Variants in LONP2 observed in about 807,000 individuals in gnomAD.
LONP2 encodes lon peptidase 2, peroxisomal.
LONP2 carries 60 observed loss-of-function variants against 85.6 expected under a neutral mutation model. That is an observed-to-expected ratio of 0.70 (90% confidence interval 0.57 to 0.87). The LOEUF is 0.87. Ranked by LOEUF, LONP2 falls within the 40% of genes least tolerant of loss-of-function variation. LONP2 has a pLI of 0.00. For missense variants in LONP2, 860 were observed against 1,063.5 expected, an observed-to-expected ratio of 0.81 and a Z score of 2.66; for synonymous variants, 395 against 389.7, an observed-to-expected ratio of 1.01 and a Z score of -0.16.
chr16:48,356,512 T>TAAAAAAAAAA lies in LONP2; in HGVS notation c.*4722_*4731dup, dbSNP rs535516550. On this transcript the variant is annotated 3_prime_UTR_variant, in exon 15 of 15. Coordinates refer to ENST00000285737, the MANE Select transcript of LONP2 (RefSeq NM_031490.5). The stretch of plus-strand genomic sequence containing the variant: ...TGCCATGAAAATTGTATCCAGCAGC[T>TAAAAAAAAAA]AAAAAAAAAAAAAAAAAAAAAGACT... 1.2e-5 allele frequency: 1 copy of TAAAAAAAAAA among 82,060 alleles called. No individual in the cohort carries two copies. The allele number at this position is 82,060 out of a possible 1,614,324, so 5.1% of individuals were successfully genotyped here. A position where few individuals can be genotyped will look rare whatever the true frequency, so the allele number is the denominator to read the frequency against.
intron 11 of LONP2, among the ~76,000 whole-genome samples, chr16:48,321,274 A>G (rs1973258130): frequency 6.6e-6 from 1 of 152,230 alleles, no homozygotes; most frequent in Non-Finnish European, 1.5e-5. Context: ...GTTTTAAAAA[A>G]AATATTACAA....
chr16:48,302,634 C>A (rs1972830908), intron 10 of LONP2, among the ~76,000 whole-genome samples: 1 of 152,218 alleles, frequency 6.6e-6, no homozygotes, highest in Non-Finnish European at 1.5e-5. Flanking sequence ...ACTTAGCATA[C>A]CTTCTTCCTT....
rs1220596964 is a variant in LONP2, at chr16:48,313,405, C to A, written c.1795+10100C>A. On this transcript the variant is annotated intron_variant, in intron 11 of 14. Coordinates refer to ENST00000285737, the MANE Select transcript of LONP2 (RefSeq NM_031490.5). ...GGTAAACATGTGCCATGGTGGTTTG[C>A]TGCACAGATAATCCATCACCCAGGT... 1.4e-3 allele frequency among the ~76,000 whole-genome samples: 211 copies of A among 152,168 alleles called. 1 individual carries two copies. Among genetic ancestry groups the A allele is most frequent in the African/African-American group, 4.9e-3 (204 of 41,512 alleles).
intron 12 of LONP2, among the ~76,000 whole-genome samples, chr16:48,340,098 C>A (rs1344963762): frequency 2.6e-5 from 4 of 152,158 alleles, no homozygotes; most frequent in African/African-American, 7.2e-5. Flanking sequence ...TAGAATCTTC[C>A]TGAATGTCAG....
At chr16:48,341,953 C>G (rs1043585712) in intron 12 of LONP2, among the ~76,000 whole-genome samples, 15 of 152,142 alleles carry the variant, frequency 9.9e-5, no homozygotes, top group African/African-American at 3.6e-4. Context: ...TGCCCTTTCA[C>G]TCTGTCACTG....
chr16:48,261,474 A>C lies in LONP2; in HGVS notation c.774A>C (p.Leu258Phe). 6.2e-7 allele frequency: 1 copy of C among 1,609,586 alleles called. No individual in the cohort carries two copies. The highest frequency in any genetic ancestry group is 1.1e-5 in the South Asian group (1 of 90,610). ...GAATTACACATATCTCAGGTACTTT[A>C]GAAGATGAAGATGAAGATGAAGATA... ...IRRITHISGT[L>F]EDEDEDEDND... The change falls in exon 5 of 15, where the codon TTA becomes TTC. Residue 258 changes from leucine to phenylalanine, a missense_variant. Physicochemically the swap from Leu to Phe is conservative, Grantham distance 22. Around this residue, in one of 3 missense-constraint regions of LONP2, gnomAD observed 743 missense variants for 917.3 expected, o/e 0.81. Transcript: ENST00000285737.
downstream of LONP2, among the ~76,000 whole-genome samples, chr16:48,357,980 A>AC (rs1484320649): frequency 6.6e-6 from 1 of 152,200 alleles, no homozygotes; most frequent in African/African-American, 2.4e-5. Context: ...TCCCATACCT[A>AC]CCCCATGTAC....
chr16:48,245,289 A>G (rs1971303252), intron 1 of LONP2, among the ~76,000 whole-genome samples: 1 of 151,674 alleles, frequency 6.6e-6, no homozygotes, highest in South Asian at 2.1e-4. Flanking sequence ...CACTCATAAC[A>G]TTTCTTAGGC....
chr16:48,245,119 C>T (rs1971288470), intron 1 of LONP2, among the ~76,000 whole-genome samples: 2 of 152,154 alleles, frequency 1.3e-5, no homozygotes, highest in South Asian at 4.1e-4. Context: ...TGTTTCATTC[C>T]TAAACTGCAC....
Position 48,356,659 on chromosome 16 carries a change from T to C in LONP2, c.*4857T>C, listed in dbSNP as rs1239429799. The C allele has an allele frequency of 2.7e-6, 1 of 364,138 alleles. No homozygotes were observed. The highest frequency in any genetic ancestry group is 2.1e-5 in the South Asian group (1 of 47,002). The allele number at this position is 364,138 out of a possible 1,614,324, so 22.6% of individuals were successfully genotyped here. ...AACTGCACTTAAAAAACAAAAATGC[T>C]GAAAGAGGAAGGAAATATCAAAAAG... is the stretch of plus-strand genomic sequence containing the variant. On this transcript the variant is annotated 3_prime_UTR_variant, in exon 15 of 15. Transcript: ENST00000285737.
chr16:48,260,086 T>C (rs1245573305), intron 4 of LONP2, among the ~76,000 whole-genome samples: 2 of 152,196 alleles, frequency 1.3e-5, no homozygotes, highest in Non-Finnish European at 2.9e-5. Flanking sequence ...GTCTTAACAA[T>C]GAAATCACTG....
At chr16:48,349,166 TGTTA>T (rs779556868) in intron 14 of LONP2, among the ~76,000 whole-genome samples, 1 of 151,990 alleles carries the variant, frequency 6.6e-6, no homozygotes, top group Non-Finnish European at 1.5e-5. Flanking sequence ...TATTTAAAGT[TGTTA>T]GTTGAGTATT....
chr16:48,335,850 T>G (rs1959629412), intron 12 of LONP2, among the ~76,000 whole-genome samples: 1 of 152,218 alleles, frequency 6.6e-6, no homozygotes, highest in Admixed American at 6.5e-5. Context: ...ACTTGAACAA[T>G]AGAATCAGAA....
chr16:48,343,140 G>C lies in LONP2; in HGVS notation c.1939-4367G>C, dbSNP rs373627453. Among the ~76,000 whole-genome samples the C allele has an allele frequency of 9.8e-5, 15 of 152,288 alleles. No individual in the cohort carries two copies. The East Asian group carries it at 2.1e-3, about 22-fold the overall frequency. The stretch of plus-strand genomic sequence containing the variant: ...CTGATGCCCTTAGTCTCAGTGCCAG[G>C]AGGTATTCATGCTTATGTCCCCATG... On this transcript the variant is annotated intron_variant, in intron 12 of 14. Coordinates refer to ENST00000285737, the MANE Select transcript of LONP2 (RefSeq NM_031490.5).
At chr16:48,270,403 G>C (rs1972079528) in intron 7 of LONP2, 129 bp downstream of exon 7, 2 of 1,016,378 alleles carry the variant, frequency 2.0e-6, no homozygotes, top group African/African-American at 3.2e-5. Flanking sequence ...TGAATGAAAA[G>C]GACATTTACA....
At chr16:48,307,833 G>A (rs8056984) in intron 11 of LONP2, among the ~76,000 whole-genome samples, 2,401 of 152,292 alleles carry the variant, frequency 0.016, 54 homozygotes, top group African/African-American at 0.053. Context: ...ATTTGTTTGG[G>A]TCAGAGTTCT....
intron 12 of LONP2, chr16:48,334,668 T>C (rs1305259157): frequency 3.4e-6 from 2 of 589,498 alleles, no homozygotes; most frequent in African/African-American, 3.7e-5. Flanking sequence ...GTGGACTCTT[T>C]CTGGATGTTG....
chr16:48,347,165 T>C (rs888303263), intron 12 of LONP2, among the ~76,000 whole-genome samples: 2 of 152,042 alleles, frequency 1.3e-5, no homozygotes, highest in Non-Finnish European at 2.9e-5. Context: ...AATATATATA[T>C]ATTTGCAGCC....
intron 1 of LONP2, among the ~76,000 whole-genome samples, chr16:48,247,162 G>A (rs1971437795): frequency 6.6e-6 from 1 of 152,124 alleles, no homozygotes; most frequent in Non-Finnish European, 1.5e-5. Context: ...CATATTCCTT[G>A]GTAATAGTTT....
Sources: gnomAD v4.1 joint callset for allele counts (sites outside exome capture counted in the v4.1 genomes callset) on GRCh38, gnomAD v4.1.1 for gene constraint, gnomAD v4.1.1 regional missense constraint, MANE v1.5 for transcripts, NCBI Gene and HGNC (gene_info 2026-07-23, HGNC 2026-07-21) for gene names.